NOP2: variants seen among roughly 807,000 people sequenced by gnomAD.
The protein encoded by NOP2 is NOP2 nucleolar protein.
Under a neutral mutation model 72.7 loss-of-function variants are expected in NOP2, and 7 were observed. The observed-to-expected ratio is 0.10, with a 90% CI of 0.05 to 0.18. The LOEUF (loss-of-function observed/expected upper bound fraction) is 0.18, where lower values mean the gene tolerates loss of function less well. Ranked by LOEUF, NOP2 falls within the 10% of genes least tolerant of loss-of-function variation. NOP2 has a pLI of 1.00. For missense variants in NOP2, 954 were observed against 1,014.7 expected (o/e 0.94, Z 0.81); for synonymous variants, 387 against 388.0 (o/e 1.00, Z 0.03).
chr12:6,567,496 T>C, intron 2 of NOP2: 1 of 265,898 alleles, frequency 3.8e-6, no homozygotes, highest in Non-Finnish European at 7.2e-6. Context: ...TTCCTCTTGC[T>C]ACAATGTTAC....
chr12:6,561,194 A>G, intron 11 of NOP2, 124 bp from the exon 12 acceptor site: 1 of 1,167,048 alleles, frequency 8.6e-7, no homozygotes, highest in East Asian at 2.5e-5. Flanking sequence ...GCTCCCAACA[A>G]GCCTGCCTAC....
At chr12:6,562,057 C>T (rs1445769469) in intron 9 of NOP2, 86 bp from the exon 10 acceptor site, 13 of 979,900 alleles carry the variant, frequency 1.3e-5, no homozygotes, top group Admixed American at 2.1e-5. Context: ...GGCGCAATCT[C>T]GGCTCACAGC....
In NOP2 at chr12:6,561,987, G is replaced by GTT; in HGVS notation, c.979-17_979-16insAA. 7.2e-7 allele frequency: 1 copy of GTT among 1,388,472 alleles called. No homozygotes were observed. Among genetic ancestry groups the GTT allele is most frequent in the Non-Finnish European group, 1.0e-6 (1 of 999,408 alleles). The allele number at this position is 1,388,472 out of a possible 1,614,324, so 86.0% of individuals were successfully genotyped here. A position where few individuals can be genotyped will look rare whatever the true frequency, so the allele number is the denominator to read the frequency against. On this transcript the variant is annotated splice_polypyrimidine_tract_variant and intron_variant, in intron 9 of 15. Coordinates refer to ENST00000322166, the MANE Select transcript of NOP2 (RefSeq NM_001258308.2). ...TGATTAGAGCCTGAAAAGGGATGAA[G>GTT]ATTTTTTTTTTTTTTTTTTGAGATG... is the stretch of plus-strand genomic sequence containing the variant.
At chr12:6,561,211 G>A (rs1414586907) in intron 11 of NOP2, 141 bp from the exon 12 acceptor site, 5 of 1,000,528 alleles carry the variant, frequency 5.0e-6, no homozygotes, top group Non-Finnish European at 7.2e-6. Context: ...CTACTGTATA[G>A]GCTGATCCAC....
intron 5 of NOP2, among the ~76,000 whole-genome samples, chr12:6,565,501 A>G (rs1007930935): frequency 2.7e-5 from 4 of 148,956 alleles, no homozygotes; most frequent in Non-Finnish European, 4.5e-5. Flanking sequence ...CCACCACACC[A>G]GCTAATTTTC....
At chr12:6,563,587 A>C in intron 7 of NOP2, 27 bp downstream of exon 7, 1 of 1,607,016 alleles carries the variant, frequency 6.2e-7, no homozygotes, top group South Asian at 1.1e-5. Flanking sequence ...CTTCCTCCTA[A>C]CTCTTCACTC....
In NOP2 at chr12:6,560,916, C is replaced by T. The variant is rs576130912; in HGVS notation, c.1347+15G>A. 1.2e-6 allele frequency: 2 copies of T among 1,613,606 alleles called. No homozygotes were observed. The highest frequency in any genetic ancestry group is 1.7e-6 in the Non-Finnish European group (2 of 1,179,766). On this transcript the variant is annotated intron_variant, in intron 12 of 15. Transcript: ENST00000322166. This position sits in a 1 kb window ranked among gnomAD's most constrained non-coding sequence, Gnocchi z 5.0. ...ACCGGAAGAAGCCTCAGAAGACACACAGCTCGAGTCTCACCTTGGGGAACT... is the reference window on the plus strand; with the variant it reads ...ACCGGAAGAAGCCTCAGAAGACACATAGCTCGAGTCTCACCTTGGGGAACT...
chr12:6,566,592 C>A lies in NOP2; in HGVS notation c.175G>T (p.Val59Phe), dbSNP rs201467180. 2 of 1,613,842 alleles carry A rather than the reference C, an allele frequency of 1.2e-6. No individual in the cohort carries two copies. The highest frequency in any genetic ancestry group is 1.3e-5 in the African/African-American group (1 of 74,924). The change falls in exon 4 of 16, where the codon GTT (valine) becomes TTT (phenylalanine). Residue 59 changes from valine to phenylalanine, a missense_variant. Val to Phe is a conservative substitution (Grantham distance 50, BLOSUM62 -1). Coordinates refer to ENST00000322166, the MANE Select transcript of NOP2 (RefSeq NM_001258308.2). The part of the protein sequence containing the change: ...KRAAKRRLGS[V>F]EAPKTNKSPE... ...GACTTATTTGTCTTAGGGGCTTCAA[C>A]AGAGCCCAATCTCCTCTTGGCTGCC...
Position 6,557,325 on chromosome 12 carries a change from G to A in NOP2, c.2107C>T (p.Pro703Ser), listed in dbSNP as rs1033318223. ...KVTGKLKQRS[P>S]KLQSSKKVAF... ...ACTTTCTTGGAGGACTGTAATTTAG[G>A]TGATCGTTGCTTTAGCTTCCCAGTC... The change falls in exon 16 of 16, where the codon CCT becomes TCT. Residue 703 changes from proline (P) to serine (S), a missense_variant. Pro to Ser is a moderately conservative substitution (Grantham distance 74, BLOSUM62 -1). Coordinates refer to ENST00000322166, the MANE Select transcript of NOP2 (RefSeq NM_001258308.2). 6.2e-7 allele frequency: 1 copy of A among 1,613,934 alleles called. No homozygotes were observed. The highest frequency in any genetic ancestry group is 8.5e-7 in the Non-Finnish European group (1 of 1,179,916).
Position 6,556,926 on chromosome 12 carries a change from C to G in NOP2, c.*67G>C. 8 of 1,572,350 alleles carry G rather than the reference C, an allele frequency of 5.1e-6. No homozygotes were observed. Among genetic ancestry groups the G allele is most frequent in the Non-Finnish European group, 6.9e-6 (8 of 1,152,770 alleles). On this transcript the variant is annotated 3_prime_UTR_variant, in exon 16 of 16. Coordinates refer to ENST00000322166, the MANE Select transcript of NOP2 (RefSeq NM_001258308.2). ...TGGGTATGCACAGTAGAGAAGGCAT[C>G]CTCACAGAGGCAAGAGTTCCAACCT...
Position 6,566,757 on chromosome 12 carries a change from G to T in NOP2, c.149+20C>A. 1 of 1,612,450 alleles carries T rather than the reference G, an allele frequency of 6.2e-7. No homozygotes were observed. The highest frequency in any genetic ancestry group is 8.5e-7 in the Non-Finnish European group (1 of 1,178,880). On this transcript the variant is annotated intron_variant, in intron 3 of 15. Coordinates refer to ENST00000322166, the MANE Select transcript of NOP2 (RefSeq NM_001258308.2). ...AGCAGTACCAATTTAACCTACTTAAGTTTTGACACCCACACTTACCTCTTT... is the reference window on the plus strand; with the variant it reads ...AGCAGTACCAATTTAACCTACTTAATTTTTGACACCCACACTTACCTCTTT...
rs1315873685 is a variant in NOP2, at chr12:6,563,667, A to T, written c.635T>A (p.Ile212Asn). The T allele has an allele frequency of 6.2e-7, 1 of 1,613,550 alleles. No homozygotes were observed. Among genetic ancestry groups the T allele is most frequent in the Non-Finnish European group, 8.5e-7 (1 of 1,179,760 alleles). ...CACAAATGGTTCCTCATCCACATTG[A>T]TCTGCAGGCCCCCATCTGCCTCTTC... ...KVEEADGGLQ[I>N]NVDEEPFVLP... The change falls in exon 7 of 16, where the codon ATC (isoleucine) becomes AAC (asparagine). Residue 212 changes from isoleucine (I) to asparagine (N), a missense_variant. Ile to Asn is a moderately radical substitution (Grantham distance 149). Coordinates refer to ENST00000322166, the MANE Select transcript of NOP2 (RefSeq NM_001258308.2).
Position 6,566,592 on chromosome 12 carries a change from C to T in NOP2, c.175G>A (p.Val59Ile), listed in dbSNP as rs201467180. The stretch of plus-strand genomic sequence containing the variant: ...GACTTATTTGTCTTAGGGGCTTCAA[C>T]AGAGCCCAATCTCCTCTTGGCTGCC... ...KRAAKRRLGS[V>I]EAPKTNKSPE... The change falls in exon 4 of 16, where the codon GTT (valine) becomes ATT (isoleucine). Residue 59 changes from valine to isoleucine, a missense_variant. Val to Ile is a conservative substitution (Grantham distance 29). Around this residue, in one of 3 missense-constraint regions of NOP2, gnomAD observed 498 missense variants for 478.3 expected, o/e 1.04. Coordinates refer to ENST00000322166, the MANE Select transcript of NOP2 (RefSeq NM_001258308.2). The T allele has an allele frequency of 6.2e-7, 1 of 1,613,960 alleles. No homozygotes were observed. Among genetic ancestry groups the T allele is most frequent in the South Asian group, 1.1e-5 (1 of 91,088 alleles).
Position 6,560,854 on chromosome 12 carries a change from C to A in NOP2, c.1348-67G>T. ...CCAGCAGGGCAATATTTACTAGGGT[C>A]GAGTCTAAACATTGAGGTCAGGAAG... is the stretch of plus-strand genomic sequence containing the variant. On this transcript the variant is annotated intron_variant, in intron 12 of 15. Transcript: ENST00000322166. The surrounding 1 kb of genome is among the most constrained non-coding windows in gnomAD (Gnocchi z 5.0). 1 of 1,608,480 alleles carries A rather than the reference C, an allele frequency of 6.2e-7. No individual in the cohort carries two copies. Among genetic ancestry groups the A allele is most frequent in the Non-Finnish European group, 8.5e-7 (1 of 1,177,038 alleles).
At chr12:6,565,960 G>C (rs2136178864) in intron 5 of NOP2, 141 bp downstream of exon 5, 1 of 671,510 alleles carries the variant, frequency 1.5e-6, no homozygotes, top group East Asian at 2.7e-5. Context: ...ATATAAGGCA[G>C]TAGGGAAACA....
chr12:6,559,546 T>G (rs1359451702), intron 15 of NOP2, among the ~76,000 whole-genome samples: 1 of 152,184 alleles, frequency 6.6e-6, no homozygotes, highest in Non-Finnish European at 1.5e-5. Context: ...ATTTCTAAAG[T>G]AGCACTTCTC....
Position 6,560,642 on chromosome 12 carries a change from C to T in NOP2, c.1437+56G>A, listed in dbSNP as rs1947620421. 1 of 1,611,028 alleles carries T rather than the reference C, an allele frequency of 6.2e-7. No individual in the cohort carries two copies. The highest frequency in any genetic ancestry group is 1.1e-5 in the South Asian group (1 of 90,932). ...CCAGAGGGTGTCCCCATCTCAGTTT[C>T]CAGCTCTACGAGACCCAGCCAAGGC... On this transcript the variant is annotated intron_variant, in intron 13 of 15. Transcript: ENST00000322166. This position sits in a 1 kb window ranked among gnomAD's most constrained non-coding sequence, Gnocchi z 5.0.
chr12:6,561,888 G>A lies in NOP2; in HGVS notation c.1062C>T (p.Pro354=), dbSNP rs748867203. 3 of 1,610,986 alleles carry A rather than the reference G, an allele frequency of 1.9e-6. No individual in the cohort carries two copies. The highest frequency in any genetic ancestry group is 2.5e-6 in the Non-Finnish European group (3 of 1,178,626). Residue 354 remains proline, a synonymous_variant, in exon 10 of 16, where the codon CCC becomes CCT. Coordinates refer to ENST00000322166, the MANE Select transcript of NOP2 (RefSeq NM_001258308.2). ...TCTTGGGTGGGGGAGACTTACCAAT[G>A]GGCACAGAAGAATCATACACCACTA... ...TGLVVYDSSV[P]IGATPEYLAG... is the part of the protein sequence containing the mutation.
Position 6,560,455 on chromosome 12 carries a change from A to G in NOP2, c.1552T>C (p.Ser518Pro). The change falls in exon 14 of 16, where the codon TCT (serine) becomes CCT (proline). Residue 518 changes from serine to proline, a missense_variant. Around this residue, in one of 3 missense-constraint regions of NOP2, gnomAD observed 187 missense variants for 276.2 expected, o/e 0.68. Transcript: ENST00000322166. The surrounding 1 kb of genome is among the most constrained non-coding windows in gnomAD (Gnocchi z 5.0). The stretch of plus-strand genomic sequence containing the variant: ...CATGGCAGAGGTCTCACTGTGATAG[A>G]ACAGGTGCAGTAAACCAGGTAGCCT... The part of the protein sequence containing the change: ...TGGYLVYCTC[S>P]ITVEENEWVV... The G allele has an allele frequency of 6.3e-7, 1 of 1,598,546 alleles. No homozygotes were observed.
Sources: gnomAD v4.1 joint callset for allele counts (sites outside exome capture counted in the v4.1 genomes callset) on GRCh38, gnomAD v4.1.1 for gene constraint, gnomAD v4.1.1 regional missense constraint, Gnocchi (gnomAD v3.1) non-coding constraint, MANE v1.5 for transcripts, NCBI Gene and HGNC (gene_info 2026-07-23, HGNC 2026-07-21) for gene names.